The following N4BP2 variants were observed in gnomAD, a reference collection of about 807,000 sequenced individuals.
N4BP2 encodes NEDD4-binding protein 2.
A neutral mutation model predicts 152.8 loss-of-function variants in N4BP2; 91 were observed. The ratio of observed to expected loss-of-function variants is 0.60; its 90% CI spans 0.50 to 0.71. The LOEUF (loss-of-function observed/expected upper bound fraction) is 0.71, where lower values mean the gene tolerates loss of function less well. Among genes scored for constraint, N4BP2 ranks in the 30% least tolerant of loss-of-function variants. N4BP2 has a pLI of 0.00. For synonymous variants in N4BP2, 646 were observed against 705.3 expected (o/e 0.92, Z 1.33); for missense variants, 1,923 against 2,059.1 (o/e 0.93, Z 1.28).
In N4BP2 at chr4:40,095,907, T is replaced by G. The variant is rs578033631; in HGVS notation, c.-114-1320T>G. 1.4e-4 allele frequency among the ~76,000 whole-genome samples: 21 copies of G among 152,272 alleles called. No individual in the cohort carries two copies. The South Asian group carries it at 3.7e-3, about 27-fold the overall frequency. The stretch of plus-strand genomic sequence containing the variant: ...TAGATCAGACCCTTTTTACATCGTA[T>G]AAAGCTCAGTCTGGCTGGTATATTG... On this transcript the variant is annotated intron_variant, in intron 2 of 17. Coordinates refer to ENST00000261435, the MANE Select transcript of N4BP2 (RefSeq NM_018177.6).
chr4:40,185,116 C>T, the N4BP2 span, among the ~76,000 whole-genome samples: 11 of 151,988 alleles, frequency 7.2e-5, no homozygotes, highest in African/African-American at 1.2e-4. Flanking sequence ...TTCCATTCGA[C>T]GTGTGCCTCT....
chr4:40,166,084 T>A, the N4BP2 span, among the ~76,000 whole-genome samples: 1 of 152,046 alleles, frequency 6.6e-6, no homozygotes, highest in African/African-American at 2.4e-5. Flanking sequence ...TCCCTCCCAT[T>A]TGTTTTATCT....
intron 14 of N4BP2, among the ~76,000 whole-genome samples, chr4:40,139,407 C>T (rs1482513425): frequency 6.6e-6 from 1 of 151,356 alleles, no homozygotes; most frequent in African/African-American, 2.4e-5. Flanking sequence ...TGGAATTATG[C>T]ATTAATTTTA....
Position 40,095,659 on chromosome 4 carries a change from C to T in N4BP2, c.-114-1568C>T, listed in dbSNP as rs368891245. Among the ~76,000 whole-genome samples, 26 of 151,956 alleles carry T rather than the reference C, an allele frequency of 1.7e-4. 1 individual carries two copies. In the South Asian group the frequency reaches 5.2e-3, roughly 30 times the overall value. ...GATGATAAGGGCAATGGATAGTTAGCAGGAAAGGGGAGATTGGGGCAGAGG... is the reference window on the plus strand; with the variant it reads ...GATGATAAGGGCAATGGATAGTTAGTAGGAAAGGGGAGATTGGGGCAGAGG... On this transcript the variant is annotated intron_variant, in intron 2 of 17. Transcript: ENST00000261435.
the N4BP2 span, among the ~76,000 whole-genome samples, chr4:40,180,328 A>G: frequency 2.0e-5 from 3 of 152,212 alleles, no homozygotes; most frequent in South Asian, 2.1e-4. Flanking sequence ...TTGAATCTCA[A>G]TAATAATTAA....
chr4:40,059,565 G>T (rs1163014721), intron 1 of N4BP2, among the ~76,000 whole-genome samples: 1 of 151,848 alleles, frequency 6.6e-6, no homozygotes, highest in Non-Finnish European at 1.5e-5. Context: ...GGTGAGGCTG[G>T]TCTGTAACTC....
At chr4:40,106,721 G>C (rs1184302318) in intron 4 of N4BP2, among the ~76,000 whole-genome samples, 179 bp from the exon 5 acceptor site, 8 of 152,076 alleles carry the variant, frequency 5.3e-5, no homozygotes, top group Admixed American at 3.9e-4. Context: ...GCTAATTTTT[G>C]TATGTTTAGT....
At chr4:40,145,304 A>G (rs892843614) in intron 16 of N4BP2, among the ~76,000 whole-genome samples, 1 of 151,946 alleles carries the variant, frequency 6.6e-6, no homozygotes, top group Non-Finnish European at 1.5e-5. Context: ...GTTCACTGCA[A>G]CCTCTGTCTC....
At chr4:40,127,074 A>T (rs1398323861) in intron 12 of N4BP2, among the ~76,000 whole-genome samples, 1 of 151,776 alleles carries the variant, frequency 6.6e-6, no homozygotes, top group East Asian at 1.9e-4. Flanking sequence ...TGAATTTATT[A>T]TAGAGACAGT....
At chr4:40,140,853 C>T (rs1054473716) in intron 14 of N4BP2, among the ~76,000 whole-genome samples, 52 of 151,002 alleles carry the variant, frequency 3.4e-4, no homozygotes, top group African/African-American at 1.1e-3. Context: ...CGCCCTTAAT[C>T]CATTTAACCC....
rs1262985723 is a variant in N4BP2, at chr4:40,097,495, C to A, written c.155C>A (p.Thr52Asn). ...AAAGTTGATCAGGAAGAACTCTTCACCAGTATCTCAGAGATATTTTCTGAT... is the reference window on the plus strand; with the variant it reads ...AAAGTTGATCAGGAAGAACTCTTCAACAGTATCTCAGAGATATTTTCTGAT... Reference protein sequence around the residue: ...ETKVDQEELFTSISEIFSDLD... With the variant: ...ETKVDQEELFNSISEIFSDLD... The change falls in exon 3 of 18, where the codon ACC (threonine) becomes AAC (asparagine). Residue 52 changes from threonine to asparagine, a missense_variant. Transcript: ENST00000261435. 6.2e-7 allele frequency: 1 copy of A among 1,613,936 alleles called. No homozygotes were observed. The highest frequency in any genetic ancestry group is 2.2e-5 in the East Asian group (1 of 44,862).
chr4:40,160,596 A>G (rs1467045281), downstream of N4BP2, among the ~76,000 whole-genome samples: 1 of 152,180 alleles, frequency 6.6e-6, no homozygotes, highest in Non-Finnish European at 1.5e-5. Flanking sequence ...AATATTTTCA[A>G]CTTACAGTGA....
intron 15 of N4BP2, 120 bp from the exon 16 acceptor site, chr4:40,144,512 A>C: frequency 1.3e-6 from 1 of 770,300 alleles, no homozygotes; most frequent in South Asian, 2.2e-5. Flanking sequence ...TGCATTATTT[A>C]AGATTTTAGG....
chr4:40,151,021 A>T (rs765882835), intron 16 of N4BP2, among the ~76,000 whole-genome samples: 1 of 152,316 alleles, frequency 6.6e-6, no homozygotes, highest in East Asian at 1.9e-4. Flanking sequence ...AAAATGAGTT[A>T]AACAGTCCTT....
rs2109995264 is a variant in N4BP2 at position 40,120,584 on chromosome 4, C to T, written c.2473C>T (p.His825Tyr). 2 of 1,614,124 alleles carry T rather than the reference C, an allele frequency of 1.2e-6. No individual in the cohort carries two copies. Among genetic ancestry groups the T allele is most frequent in the East Asian group, 2.2e-5 (1 of 44,888 alleles). ...CAAAAAGTATAATTACCCTCAGTCA[C>T]ACAAATTAGTTAACAGTGTATCTGT... is the stretch of plus-strand genomic sequence containing the variant. ...SDKKYNYPQS[H>Y]KLVNSVSVNT... The change falls in exon 9 of 18, where the codon CAC (histidine) becomes TAC (tyrosine). Residue 825 changes from histidine (H) to tyrosine (Y), a missense_variant. Transcript: ENST00000261435.
At chr4:40,128,027 TTTTCAAATAGAAGCTTCACTTTGAA>T (rs1447017839) in intron 12 of N4BP2, among the ~76,000 whole-genome samples, 2 of 152,230 alleles carry the variant, frequency 1.3e-5, no homozygotes, top group Non-Finnish European at 2.9e-5. Context: ...TTACTCTTCC[TTTTCAAATAGAAGCTTCACTTTGAA>T]TTTTATTTTT....
the N4BP2 span, among the ~76,000 whole-genome samples, chr4:40,182,224 G>A: frequency 1.3e-5 from 2 of 152,196 alleles, no homozygotes; most frequent in Non-Finnish European, 2.9e-5. Flanking sequence ...TTTTCAGGCT[G>A]ATACAAGAAC....
At chr4:40,162,848 G>A (rs914690941), downstream of N4BP2, among the ~76,000 whole-genome samples, 1 of 152,200 alleles carries the variant, frequency 6.6e-6, no homozygotes, top group Non-Finnish European at 1.5e-5. Flanking sequence ...GAAGCCAGTA[G>A]CATGGCCAAG....
At chr4:40,106,610 G>A (rs111418993) in intron 4 of N4BP2, among the ~76,000 whole-genome samples, 2 of 151,944 alleles carry the variant, frequency 1.3e-5, no homozygotes, top group African/African-American at 4.8e-5. Flanking sequence ...GTACGGTGGC[G>A]CAATCTCAGC....
Sources: allele counts gnomAD v4.1 joint callset (sites outside exome capture counted in the v4.1 genomes callset), GRCh38; gene constraint gnomAD v4.1.1; transcripts MANE v1.5; gene names NCBI Gene and HGNC (gene_info 2026-07-23, HGNC 2026-07-21).